Variants in PRPF38B observed in about 807,000 individuals in gnomAD.
PRPF38B encodes the protein pre-mRNA processing factor 38B.
PRPF38B carries 18 observed loss-of-function variants against 67.2 expected under a neutral mutation model. The observed-to-expected ratio is 0.27, with a 90% CI of 0.19 to 0.40. The LOEUF is 0.40. Ranked by LOEUF, PRPF38B falls within the 10% of genes least tolerant of loss-of-function variation. The probability of loss-of-function intolerance (pLI) is 1.00; values close to 1 mark genes in which losing one functional copy is unlikely to be tolerated. For missense variants in PRPF38B, 544 were observed against 684.9 expected, an observed-to-expected ratio of 0.79 and a Z score of 2.30; for synonymous variants, 246 against 234.2, an observed-to-expected ratio of 1.05 and a Z score of -0.46.
rs1228306344 is a variant in PRPF38B at position 108,692,639 on chromosome 1, C to G, written c.48C>G (p.His16Gln). The change falls in exon 1 of 6, where the codon CAC (histidine) becomes CAG (glutamine). Residue 16 changes from histidine to glutamine, a missense_variant. Physicochemically the swap from His to Gln is conservative, Grantham distance 24. This residue lies in a region of PRPF38B where 70 missense variants were observed against 58.4 expected (regional missense o/e 1.20). Coordinates refer to ENST00000370025, the MANE Select transcript of PRPF38B (RefSeq NM_018061.4). ...PALTGNSQPQ[H>Q]QAAAAAAQQQ... The stretch of plus-strand genomic sequence containing the variant: ...TGACAGGCAACTCGCAGCCGCAGCA[C>G]CAGGCGGCTGCAGCTGCGGCTCAGC... 6.2e-7 allele frequency: 1 copy of G among 1,610,394 alleles called. No homozygotes were observed. Among genetic ancestry groups the G allele is most frequent in the Non-Finnish European group, 8.5e-7 (1 of 1,178,720 alleles).
Position 108,696,739 on chromosome 1 carries a change from G to A in PRPF38B, c.558+402G>A, listed in dbSNP as rs1659897472. The A allele has an allele frequency of 4.2e-6, 3 of 716,768 alleles. No individual in the cohort carries two copies. The East Asian group carries it at 8.1e-5, about 19-fold the overall frequency. The allele number at this position is 716,768 out of a possible 1,614,324, so 44.4% of individuals were successfully genotyped here. A position where few individuals can be genotyped will look rare whatever the true frequency, so the allele number is the denominator to read the frequency against. On this transcript the variant is annotated intron_variant, in intron 4 of 5. Coordinates refer to ENST00000370025, the MANE Select transcript of PRPF38B (RefSeq NM_018061.4). ...CTTTTTTTTCTTCTGGAACATTTCA[G>A]TTCTTCACCCTCTAGCTTCTTCCAA...
At position 108,698,765 on chromosome 1, in the gene PRPF38B, CAAG is replaced by C. The variant is rs1235521332; in HGVS notation, c.723_725del (p.Lys242del). 3 of 1,613,762 alleles carry C rather than the reference CAAG, an allele frequency of 1.9e-6. No homozygotes were observed. The highest frequency in any genetic ancestry group is 2.5e-6 in the Non-Finnish European group (3 of 1,179,902). ...AGATTAAAACCCGACCTAGAAAAAT[CAAG>C]AAAGATGGGAAGGAAGGTGCTGAGG... On this transcript the variant is annotated inframe_deletion, in exon 5 of 6. Coordinates refer to ENST00000370025, the MANE Select transcript of PRPF38B (RefSeq NM_018061.4).
intron 4 of PRPF38B, chr1:108,697,538 C>CTTTTTTTTTTTTTTTTTTTTTTTTTTT (rs34770110): frequency 6.8e-6 from 1 of 146,072 alleles, no homozygotes; most frequent in African/African-American, 2.6e-5. Context: ...TTATTTTTCT[C>CTTTTTTTTTTTTTTTTTTTTTTTTTTT]TTTTTTTTTT....
At position 108,692,378 on chromosome 1, in the gene PRPF38B, A is replaced by C; in HGVS notation, c.-214A>C. The C allele has an allele frequency of 5.2e-6, 3 of 576,354 alleles. No individual in the cohort carries two copies. 35.7% of individuals were successfully genotyped at this position (576,354 alleles called of 1,614,324 possible). On this transcript the variant is annotated 5_prime_UTR_variant, in exon 1 of 6. Transcript: ENST00000370025. ...GGCTGCCGGCTCGCCTTCTGCGTGG[A>C]GTTCTCGCGGTCTGGGTTTCGCTGT... is the stretch of plus-strand genomic sequence containing the variant.
chr1:108,692,571 C>T lies in PRPF38B; in HGVS notation c.-21C>T, dbSNP rs557069280. On this transcript the variant is annotated 5_prime_UTR_variant, in exon 1 of 6. Transcript: ENST00000370025. ...GCCCCCTCCCCCCCCTCCTTCCCTC[C>T]CTCCTTCCTTCCGCCGCAACATGGC... The T allele has an allele frequency of 1.8e-5, 28 of 1,539,102 alleles. No homozygotes were observed. Among genetic ancestry groups the T allele is most frequent in the Non-Finnish European group, 2.4e-5 (27 of 1,143,774 alleles).
In PRPF38B at chr1:108,696,121, C is replaced by T; in HGVS notation, c.424C>T (p.Arg142Ter). 6.2e-7 allele frequency: 1 copy of T among 1,613,860 alleles called. No homozygotes were observed. The highest frequency in any genetic ancestry group is 8.5e-7 in the Non-Finnish European group (1 of 1,179,838). Residue 142 changes from arginine to a stop codon, truncating the protein, a stop_gained, in exon 3 of 6, where the codon CGA (arginine) becomes TGA (stop). Transcript: ENST00000370025. LOFTEE classifies it high-confidence loss of function. ...LYKLFTLKLT[R>*]KQVMGLITHT... is the part of the protein sequence containing the mutation. ...CAAATTATTTACCCTGAAGTTAACT[C>T]GAAAGCAAGTGATGGGTCTTATAAC...
chr1:108,697,126 C>T, intron 4 of PRPF38B: 1 of 175,586 alleles, frequency 5.7e-6, no homozygotes, highest in Non-Finnish European at 1.2e-5. Context: ...CATCTTAGTC[C>T]CACCTACTTG....
In PRPF38B at chr1:108,702,363, A is replaced by T. The variant is rs545565606; in HGVS notation, c.*2343A>T. Among the ~76,000 whole-genome samples, 260 of 152,222 alleles carry T rather than the reference A, an allele frequency of 1.7e-3. No homozygotes were observed. Among genetic ancestry groups the T allele is most frequent in the Admixed American group, 2.7e-3 (41 of 15,280 alleles). On this transcript the variant is annotated 3_prime_UTR_variant, in exon 6 of 6. Transcript: ENST00000370025. ...GGTCTTGAACTCCTGGCCTCAAGTG[A>T]TCCACCCACCTCAGCCTCCCAAAGC...
intron 4 of PRPF38B, chr1:108,698,377 A>G (rs184727542): frequency 2.2e-6 from 1 of 447,910 alleles, no homozygotes; most frequent in African/African-American, 2.0e-5. Flanking sequence ...ACTGAGTGAG[A>G]TCAGTTCCCT....
intron 1 of PRPF38B, among the ~76,000 whole-genome samples, chr1:108,695,150 C>T (rs958804684): frequency 1.3e-5 from 2 of 151,992 alleles, no homozygotes; most frequent in Non-Finnish European, 2.9e-5. Flanking sequence ...ACAAGTAACT[C>T]GTTACTGTTT....
rs1196447224 is a variant in PRPF38B, at chr1:108,692,587, G to C, written c.-5G>C. The C allele has an allele frequency of 1.5e-4, 187 of 1,216,812 alleles. No individual in the cohort carries two copies. The highest frequency in any genetic ancestry group is 4.2e-4 in the South Asian group (27 of 64,446). The allele number at this position is 1,216,812 out of a possible 1,614,324, so 75.4% of individuals were successfully genotyped here. ...CCTTCCCTCCCTCCTTCCTTCCGCC[G>C]CAACATGGCTAACAACAGCCCCGCG... is the stretch of plus-strand genomic sequence containing the variant. On this transcript the variant is annotated 5_prime_UTR_variant, in exon 1 of 6. Transcript: ENST00000370025.
At position 108,702,254 on chromosome 1, in the gene PRPF38B, T is replaced by C. The variant is rs1007341296; in HGVS notation, c.*2234T>C. On this transcript the variant is annotated 3_prime_UTR_variant, in exon 6 of 6. Coordinates refer to ENST00000370025, the MANE Select transcript of PRPF38B (RefSeq NM_018061.4). ...GATCCTCCGAACTTGGCCTCCTAAG[T>C]AGCTGGGACCACAGGTGCATGCTAG... 1.3e-5 allele frequency among the ~76,000 whole-genome samples: 2 copies of C among 152,136 alleles called. No individual in the cohort carries two copies. The highest frequency in any genetic ancestry group is 4.8e-5 in the African/African-American group (2 of 41,418).
intron 1 of PRPF38B, among the ~76,000 whole-genome samples, chr1:108,693,408 C>G (rs1312861091): frequency 6.6e-6 from 1 of 151,990 alleles, no homozygotes; most frequent in Non-Finnish European, 1.5e-5. Context: ...TACAGAAGGC[C>G]TGGAAATTTT....
intron 1 of PRPF38B, 98 bp downstream of exon 1, chr1:108,692,965 G>T (rs1373602450): frequency 6.9e-7 from 1 of 1,441,786 alleles, no homozygotes; most frequent in Non-Finnish European, 9.3e-7. Flanking sequence ...AGATTTGTGG[G>T]TGGGGGAAGG....
rs1366963665 is a variant in PRPF38B at position 108,700,824 on chromosome 1, CTA to C, written c.*805_*806del. ...CTATATTAAAGAAAAAAATTAATGT[CTA>C]AAGCCTAGCATTCTTGCAGAACCCT... On this transcript the variant is annotated 3_prime_UTR_variant, in exon 6 of 6. Transcript: ENST00000370025. 2 of 152,368 alleles carry C rather than the reference CTA, an allele frequency of 1.3e-5. No homozygotes were observed. The highest frequency in any genetic ancestry group is 1.5e-5 in the Non-Finnish European group (1 of 68,014). The allele number at this position is 152,368 out of a possible 1,614,324, so 9.4% of individuals were successfully genotyped here. A position where few individuals can be genotyped will look rare whatever the true frequency, so the allele number is the denominator to read the frequency against.
chr1:108,697,538 CTTTTTT>C (rs34770110), intron 4 of PRPF38B: 1 of 146,072 alleles, frequency 6.8e-6, no homozygotes, highest in African/African-American at 2.6e-5. Flanking sequence ...TTATTTTTCT[CTTTTTT>C]TTTTTTTTTT....
At chr1:108,695,885 T>C (rs528613348) in intron 2 of PRPF38B, 115 bp downstream of exon 2, 6 of 1,369,970 alleles carry the variant, frequency 4.4e-6, no homozygotes, top group Non-Finnish European at 6.0e-6. Flanking sequence ...TTAATCCAAA[T>C]TCAAGTGTTC....
rs1319298191 is a variant in PRPF38B at position 108,701,029 on chromosome 1, T to G, written c.*1009T>G. The stretch of plus-strand genomic sequence containing the variant: ...TTGATAATGGAGATTGCTGTTTGAG[T>G]TTTTAAACTTAATCTAGAACAGAGG... On this transcript the variant is annotated 3_prime_UTR_variant, in exon 6 of 6. Coordinates refer to ENST00000370025, the MANE Select transcript of PRPF38B (RefSeq NM_018061.4). The G allele has an allele frequency of 2.6e-5, 4 of 152,586 alleles. No individual in the cohort carries two copies. Among genetic ancestry groups the G allele is most frequent in the Admixed American group, 6.5e-5 (1 of 15,280 alleles). 9.5% of individuals were successfully genotyped at this position (152,586 alleles called of 1,614,324 possible).
chr1:108,696,010 T>C (rs1465067247), intron 2 of PRPF38B, 33 bp from the exon 3 acceptor site: 2 of 1,599,382 alleles, frequency 1.3e-6, no homozygotes, highest in East Asian at 4.5e-5. Flanking sequence ...GTTAATTATT[T>C]TACTACTTTT....
Sources: allele counts gnomAD v4.1 joint callset (sites outside exome capture counted in the v4.1 genomes callset), GRCh38; gene constraint gnomAD v4.1.1; regional missense constraint gnomAD v4.1.1; transcripts MANE v1.5; gene names NCBI Gene and HGNC (gene_info 2026-07-23, HGNC 2026-07-21).